The following TNFSF4 variants were observed in gnomAD, a reference collection of about 807,000 sequenced individuals.
TNFSF4 encodes the protein tumor necrosis factor ligand superfamily member 4.
In TNFSF4, 4 loss-of-function variants were observed where a neutral mutation model predicts 7.3. That is an observed-to-expected ratio of 0.55 (90% confidence interval 0.27 to 1.25). The LOEUF (loss-of-function observed/expected upper bound fraction) is 1.25. Among genes scored for constraint, TNFSF4 ranks in the 50% most tolerant of loss-of-function variants. TNFSF4 has a pLI of 0.12. For synonymous variants in TNFSF4, 76 were observed against 83.7 expected, an observed-to-expected ratio of 0.91 and a Z score of 0.50; for missense variants, 181 against 208.8, an observed-to-expected ratio of 0.87 and a Z score of 0.82.
the TNFSF4 span, among the ~76,000 whole-genome samples, chr1:173,267,704 T>C: frequency 1.3e-5 from 2 of 152,160 alleles, no homozygotes; most frequent in African/African-American, 4.8e-5. Context: ...ATTTGAAGGT[T>C]TGATTAAGGC....
the TNFSF4 span, among the ~76,000 whole-genome samples, chr1:173,358,013 C>G: frequency 6.7e-6 from 1 of 149,294 alleles, no homozygotes. Context: ...ATAAAGGAAT[C>G]TGCAAACATG....
At chr1:173,222,077 T>C in the TNFSF4 span, among the ~76,000 whole-genome samples, 1 of 152,210 alleles carries the variant, frequency 6.6e-6, no homozygotes, top group Admixed American at 6.5e-5. Context: ...ACAGTAGCAT[T>C]ATAATCCTGG....
At chr1:173,241,121 G>GTTTAT in the TNFSF4 span, among the ~76,000 whole-genome samples, 1 of 152,064 alleles carries the variant, frequency 6.6e-6, no homozygotes, top group African/African-American at 2.4e-5. Context: ...TTCTACAAAA[G>GTTTAT]TCAAGAAAAA....
the TNFSF4 span, among the ~76,000 whole-genome samples, chr1:173,279,701 A>G: frequency 6.6e-6 from 1 of 151,988 alleles, no homozygotes; most frequent in Non-Finnish European, 1.5e-5. Flanking sequence ...ACACTCCAAA[A>G]ACTTAACCAT....
At chr1:173,375,275 C>T in the TNFSF4 span, among the ~76,000 whole-genome samples, 2 of 152,222 alleles carry the variant, frequency 1.3e-5, no homozygotes, top group Non-Finnish European at 2.9e-5. Context: ...GACTGACCCA[C>T]TGACCCTTTG....
chr1:173,250,167 A>G, the TNFSF4 span, among the ~76,000 whole-genome samples: 2 of 152,202 alleles, frequency 1.3e-5, no homozygotes, highest in African/African-American at 2.4e-5. Flanking sequence ...TCTAGTGACT[A>G]AATTGAGATC....
chr1:173,368,942 T>C, the TNFSF4 span, among the ~76,000 whole-genome samples: 1,984 of 152,286 alleles, frequency 0.013, 46 homozygotes, highest in African/African-American at 0.046. Flanking sequence ...ATTTCAGGAC[T>C]CTGTTCCCTT....
the TNFSF4 span, among the ~76,000 whole-genome samples, chr1:173,422,684 A>T: frequency 6.6e-6 from 1 of 152,204 alleles, no homozygotes; most frequent in African/African-American, 2.4e-5. Context: ...AAAGGTGCAG[A>T]CTTAAAACAA....
chr1:173,341,495 G>A, the TNFSF4 span, among the ~76,000 whole-genome samples: 129,411 of 152,156 alleles, frequency 0.85, 55,628 homozygotes, highest in Middle Eastern at 0.95. Flanking sequence ...TGGCTGCCAC[G>A]ACCTCCTCCC....
the TNFSF4 span, among the ~76,000 whole-genome samples, chr1:173,307,593 A>C: frequency 6.6e-6 from 1 of 151,912 alleles, no homozygotes; most frequent in East Asian, 1.9e-4. Flanking sequence ...TCTATGTTAA[A>C]TTTTCTGAAT....
the TNFSF4 span, among the ~76,000 whole-genome samples, chr1:173,280,304 G>A: frequency 2.6e-5 from 4 of 152,048 alleles, no homozygotes; most frequent in Admixed American, 2.6e-4. Flanking sequence ...CACCAATCGT[G>A]GTTGATCTGT....
chr1:173,201,429 T>A (rs921273659), intron 1 of TNFSF4, among the ~76,000 whole-genome samples: 1 of 152,208 alleles, frequency 6.6e-6, no homozygotes, highest in Admixed American at 6.5e-5. Flanking sequence ...TGTGTGTGTA[T>A]GTGTGCACAC....
At chr1:173,281,481 T>C in the TNFSF4 span, among the ~76,000 whole-genome samples, 1 of 152,196 alleles carries the variant, frequency 6.6e-6, no homozygotes, top group Non-Finnish European at 1.5e-5. Flanking sequence ...ATATTTCATT[T>C]ATATGTCATC....
chr1:173,332,162 G>A, the TNFSF4 span, among the ~76,000 whole-genome samples: 2 of 152,184 alleles, frequency 1.3e-5, no homozygotes, highest in East Asian at 1.9e-4. Context: ...AGGTATGCCT[G>A]AATGACTGTA....
At chr1:173,421,444 G>A in the TNFSF4 span, among the ~76,000 whole-genome samples, 6 of 152,062 alleles carry the variant, frequency 3.9e-5, no homozygotes, top group Non-Finnish European at 5.9e-5. Context: ...CAGACCCTCC[G>A]AACCGGGTTC....
chr1:173,325,948 C>CTA, the TNFSF4 span, among the ~76,000 whole-genome samples: 1 of 152,208 alleles, frequency 6.6e-6, no homozygotes, highest in Admixed American at 6.5e-5. Flanking sequence ...CAAGGAGGAG[C>CTA]TGGTACCATT....
the TNFSF4 span, among the ~76,000 whole-genome samples, chr1:173,327,211 C>T: frequency 2.6e-5 from 4 of 152,086 alleles, no homozygotes; most frequent in Admixed American, 6.6e-5. Flanking sequence ...GAAATAACGC[C>T]GCATATCTAC....
At chr1:173,242,321 C>T in the TNFSF4 span, among the ~76,000 whole-genome samples, 3 of 152,096 alleles carry the variant, frequency 2.0e-5, no homozygotes, top group African/African-American at 7.2e-5. Flanking sequence ...AGTATGGGGG[C>T]CCCGAACCAT....
the TNFSF4 span, among the ~76,000 whole-genome samples, chr1:173,449,823 T>C: frequency 1.3e-5 from 2 of 152,038 alleles, no homozygotes; most frequent in Non-Finnish European, 2.9e-5. Context: ...AATGCTTATA[T>C]TGGAAAAGAA....
Sources: allele counts gnomAD v4.1 joint callset (sites outside exome capture counted in the v4.1 genomes callset), GRCh38; gene constraint gnomAD v4.1.1; transcripts MANE v1.5; gene names NCBI Gene and HGNC (gene_info 2026-07-23, HGNC 2026-07-21).